APLF: variants seen among roughly 807,000 people sequenced by gnomAD.
The protein encoded by APLF is aprataxin and PNKP like factor.
In APLF, 61 loss-of-function variants were observed where a neutral mutation model predicts 55.6. That is an observed-to-expected ratio of 1.10 (90% CI 0.89 to 1.36). The LOEUF (loss-of-function observed/expected upper bound fraction) is 1.36. APLF is among the 40% of genes most tolerant of loss of function. APLF has a pLI of 0.00. For missense variants in APLF, 611 were observed against 602.5 expected, an observed-to-expected ratio of 1.01 and a Z score of -0.15; for synonymous variants, 207 against 214.8, an observed-to-expected ratio of 0.96 and a Z score of 0.32.
Position 68,546,164 on chromosome 2 carries a change from C to A in APLF, c.1286+852C>A, listed in dbSNP as rs183751904. ...TAAGTGTTCATTATAATCAACTTTA[C>A]CAATAAACTTGAAAATTTTTGGAGA... On this transcript the variant is annotated intron_variant, in intron 8 of 9. Coordinates refer to ENST00000303795, the MANE Select transcript of APLF (RefSeq NM_173545.3). 1.3e-3 allele frequency among the ~76,000 whole-genome samples: 191 copies of A among 151,872 alleles called. 1 individual carries two copies. The highest frequency in any genetic ancestry group is 2.4e-3 in the Non-Finnish European group (162 of 67,878).
At chr2:68,496,327 G>T (rs1243820457) in intron 2 of APLF, among the ~76,000 whole-genome samples, 1 of 152,014 alleles carries the variant, frequency 6.6e-6, no homozygotes, top group African/African-American at 2.4e-5. Context: ...CTGGTCTCAA[G>T]CTCCTGACCT....
Position 68,513,070 on chromosome 2 carries a change from T to C in APLF, c.342-10T>C. ...TAAAATTAAAGACCAGTTTCTATTT[T>C]ATCTTATAGAAACAGTCAAGTGCTT... On this transcript the variant is annotated splice_polypyrimidine_tract_variant and intron_variant, in intron 3 of 9. Transcript: ENST00000303795. 34 of 1,589,018 alleles carry C rather than the reference T, an allele frequency of 2.1e-5. No individual in the cohort carries two copies. Among genetic ancestry groups the C allele is most frequent in the Non-Finnish European group, 2.8e-5 (33 of 1,167,070 alleles).
intron 9 of APLF, among the ~76,000 whole-genome samples, chr2:68,572,114 G>A (rs556897546): frequency 1.4e-4 from 21 of 151,882 alleles, no homozygotes; most frequent in South Asian, 2.1e-4. Context: ...AGGCTTAGTG[G>A]GATTTACATG....
In APLF at chr2:68,578,697, C is replaced by A. The variant is rs1200169702; in HGVS notation, c.*675C>A. ...GTTTGAATTTAAAAGTAAAAAAACTCAAAAAACTTGACCTTTTTTTTCAAA... is the reference window on the plus strand; with the variant it reads ...GTTTGAATTTAAAAGTAAAAAAACTAAAAAAACTTGACCTTTTTTTTCAAA... On this transcript the variant is annotated 3_prime_UTR_variant, in exon 10 of 10. Transcript: ENST00000303795. The A allele has an allele frequency of 9.1e-6, 9 of 985,012 alleles. No homozygotes were observed. Among genetic ancestry groups the A allele is most frequent in the Non-Finnish European group, 1.1e-5 (9 of 829,804 alleles). The allele number at this position is 985,012 out of a possible 1,614,324, so 61.0% of individuals were successfully genotyped here.
At chr2:68,566,878 TAAC>T (rs1469365654) in intron 8 of APLF, among the ~76,000 whole-genome samples, 1 of 152,084 alleles carries the variant, frequency 6.6e-6, no homozygotes, top group Non-Finnish European at 1.5e-5. Flanking sequence ...TGTTTTTTCA[TAAC>T]AAGTGATTGG....
At chr2:68,502,524 T>G (rs1676752844) in intron 2 of APLF, among the ~76,000 whole-genome samples, 1 of 151,782 alleles carries the variant, frequency 6.6e-6, no homozygotes, top group Admixed American at 6.6e-5. Context: ...TACCATAGCT[T>G]CTTTTCTCTT....
At chr2:68,502,430 CTA>C (rs1558533846) in intron 2 of APLF, among the ~76,000 whole-genome samples, 2 of 152,008 alleles carry the variant, frequency 1.3e-5, no homozygotes, top group African/African-American at 4.8e-5. Flanking sequence ...CTAGTTGTCT[CTA>C]TTAAGCAAAA....
chr2:68,547,388 T>G (rs1446461740), intron 8 of APLF, among the ~76,000 whole-genome samples: 1 of 151,810 alleles, frequency 6.6e-6, no homozygotes, highest in Non-Finnish European at 1.5e-5. Flanking sequence ...GATTCTAAAA[T>G]GTATATGGAT....
chr2:68,527,034 G>A (rs553257257), intron 6 of APLF, among the ~76,000 whole-genome samples: 8 of 152,300 alleles, frequency 5.3e-5, no homozygotes, highest in Non-Finnish European at 1.2e-4. Flanking sequence ...GGGCAGAGAC[G>A]CTCCTCACTT....
intron 2 of APLF, 40 bp downstream of exon 2, chr2:68,490,301 T>G: frequency 6.4e-7 from 1 of 1,564,238 alleles, no homozygotes; most frequent in Non-Finnish European, 8.7e-7. Context: ...CTTTCATCTC[T>G]TACCCTTTCA....
chr2:68,573,777 T>G (rs887692671), intron 9 of APLF, among the ~76,000 whole-genome samples: 6 of 152,164 alleles, frequency 3.9e-5, no homozygotes, highest in African/African-American at 1.4e-4. Context: ...CCTGGTCTAG[T>G]CCTCTTTCTC....
chr2:68,510,594 C>A (rs1292267053), intron 3 of APLF, among the ~76,000 whole-genome samples: 1 of 151,794 alleles, frequency 6.6e-6, no homozygotes, highest in East Asian at 1.9e-4. Flanking sequence ...ATGGTATAGC[C>A]TCTTTGGAAC....
chr2:68,525,697 C>A (rs1212791215), intron 5 of APLF, among the ~76,000 whole-genome samples: 1 of 149,684 alleles, frequency 6.7e-6, no homozygotes, highest in Admixed American at 6.6e-5. Flanking sequence ...TATAAATGGA[C>A]CTTTAATCTT....
intron 5 of APLF, 127 bp from the exon 6 acceptor site, chr2:68,525,934 G>A (rs1364963855): frequency 1.2e-6 from 1 of 848,192 alleles, no homozygotes; most frequent in Non-Finnish European, 1.7e-6. Context: ...ATTTTCAGTA[G>A]AGACCGGGTT....
At chr2:68,567,416 A>T (rs1303393385) in intron 9 of APLF, 29 bp downstream of exon 9, 1 of 1,526,542 alleles carries the variant, frequency 6.6e-7, no homozygotes, top group African/African-American at 1.4e-5. Flanking sequence ...GAAAATTCAA[A>T]ATGAAACCTT....
intron 1 of APLF, among the ~76,000 whole-genome samples, chr2:68,481,021 T>G (rs1675933704): frequency 6.6e-6 from 1 of 152,184 alleles, no homozygotes. Flanking sequence ...GCTAGTATTT[T>G]TTTGAGGATT....
At chr2:68,494,277 C>CAAAAAAAAAAAAAAAA (rs59466460) in intron 2 of APLF, among the ~76,000 whole-genome samples, 2 of 49,540 alleles carry the variant, frequency 4.0e-5, no homozygotes, top group African/African-American at 6.3e-5. Flanking sequence ...GACCCCGTCT[C>CAAAAAAAAAAAAAAAA]AAAAAAAAAA....
chr2:68,567,141 C>G (rs980860882), intron 8 of APLF, among the ~76,000 whole-genome samples, 200 bp from the exon 9 acceptor site: 2 of 152,018 alleles, frequency 1.3e-5, no homozygotes, highest in Non-Finnish European at 2.9e-5. Flanking sequence ...CTTCATCACT[C>G]TATCTTTGCA....
chr2:68,527,517 C>T (rs1221758719), intron 6 of APLF, among the ~76,000 whole-genome samples: 41 of 148,394 alleles, frequency 2.8e-4, no homozygotes, highest in Non-Finnish European at 4.6e-4. Flanking sequence ...TGGGCAGAGG[C>T]GCTCCTCACT....
Sources: allele counts gnomAD v4.1 joint callset (sites outside exome capture counted in the v4.1 genomes callset), GRCh38; gene constraint gnomAD v4.1.1; transcripts MANE v1.5; gene names NCBI Gene and HGNC (gene_info 2026-07-23, HGNC 2026-07-21).